The following ABHD12B variants were observed in gnomAD, a reference collection of about 807,000 sequenced individuals.
ABHD12B encodes abhydrolase domain containing 12B, also known as protein ABHD12B.
Under a neutral mutation model 50.4 loss-of-function variants are expected in ABHD12B, and 42 were observed. That is an observed-to-expected ratio of 0.83 (90% CI 0.65 to 1.08). The LOEUF is 1.08. Ranked by LOEUF, ABHD12B falls within the 50% of genes least tolerant of loss-of-function variation. The pLI is 0.00. For missense variants in ABHD12B, 479 were observed against 447.7 expected, an observed-to-expected ratio of 1.07 and a Z score of -0.63; for synonymous variants, 167 against 160.3, an observed-to-expected ratio of 1.04 and a Z score of -0.32.
rs143764492 is a variant in ABHD12B, at chr14:50,880,523, G to A, written c.407G>A (p.Arg136His). 10 of 1,608,346 alleles carry A rather than the reference G, an allele frequency of 6.2e-6. No homozygotes were observed. The highest frequency in any genetic ancestry group is 1.7e-5 in the Admixed American group (1 of 59,440). ...KDCCWYEAAL[R>H]DGNPIIVYLH... ...TGTTGCTGGTATGAAGCAGCCCTTCGTGATGGGAACCCAATTATTGTTTAT... is the reference window on the plus strand; with the variant it reads ...TGTTGCTGGTATGAAGCAGCCCTTCATGATGGGAACCCAATTATTGTTTAT... Residue 136 changes from arginine (R) to histidine (H), a missense_variant, in exon 4 of 13, where the codon CGT becomes CAT. Transcript: ENST00000337334.
intron 4 of ABHD12B, 134 bp downstream of exon 4, chr14:50,880,705 C>T: frequency 9.3e-7 from 1 of 1,073,450 alleles, no homozygotes; most frequent in Non-Finnish European, 1.2e-6. Flanking sequence ...TTGTTGAAAT[C>T]TGAGGGTGTT....
chr14:50,890,766 A>C (rs2050106130), intron 9 of ABHD12B, among the ~76,000 whole-genome samples: 1 of 152,190 alleles, frequency 6.6e-6, no homozygotes, highest in African/African-American at 2.4e-5. Flanking sequence ...TATTGTTGTT[A>C]TGAATGTTCT....
At chr14:50,903,580 T>C in intron 11 of ABHD12B, 113 bp downstream of exon 11, 2 of 777,526 alleles carry the variant, frequency 2.6e-6, no homozygotes, top group Non-Finnish European at 4.1e-6. Flanking sequence ...TTATAGGAGA[T>C]TCTCTACACC....
At chr14:50,890,899 T>C (rs1036354437) in intron 9 of ABHD12B, among the ~76,000 whole-genome samples, 1 of 152,210 alleles carries the variant, frequency 6.6e-6, no homozygotes, top group African/African-American at 2.4e-5. Flanking sequence ...TTTTCCTAAA[T>C]GACTTTACCA....
chr14:50,896,264 C>T (rs1022235333), intron 9 of ABHD12B, among the ~76,000 whole-genome samples: 7 of 152,272 alleles, frequency 4.6e-5, no homozygotes, highest in African/African-American at 1.2e-4. Context: ...ACAATTCCCC[C>T]GTTTTACCTG....
intron 9 of ABHD12B, among the ~76,000 whole-genome samples, chr14:50,899,039 A>G (rs571727124): frequency 3.3e-5 from 5 of 152,330 alleles, no homozygotes; most frequent in African/African-American, 1.2e-4. Context: ...CTAAAAATAC[A>G]AAAATTAGCT....
rs975375509 is a variant in ABHD12B, at chr14:50,903,387, A to G, written c.864-2A>G. 3.1e-6 allele frequency: 5 copies of G among 1,606,680 alleles called. No homozygotes were observed. The highest frequency in any genetic ancestry group is 4.3e-6 in the Non-Finnish European group (5 of 1,174,190). On this transcript the variant is annotated splice_acceptor_variant, in intron 10 of 12. Transcript: ENST00000337334. LOFTEE classifies it high-confidence loss of function. ...GAATGCTTTTCTTCTACTTGTCCCTAGTGTTAAATTCCTTTCTTCTCCTCT... is the reference window on the plus strand; with the variant it reads ...GAATGCTTTTCTTCTACTTGTCCCTGGTGTTAAATTCCTTTCTTCTCCTCT...
At chr14:50,903,327 G>C (rs2050285534) in intron 10 of ABHD12B, 62 bp from the exon 11 acceptor site, 1 of 1,322,926 alleles carries the variant, frequency 7.6e-7, no homozygotes, top group Middle Eastern at 2.1e-4. Flanking sequence ...CTTTAACTTA[G>C]AAGAGGAGAA....
intron 9 of ABHD12B, among the ~76,000 whole-genome samples, chr14:50,898,154 G>A (rs2050220332): frequency 6.6e-6 from 1 of 152,178 alleles, no homozygotes; most frequent in Non-Finnish European, 1.5e-5. Flanking sequence ...TTCCACACAA[G>A]TCTTTCGCAC....
In ABHD12B at chr14:50,903,346, G is replaced by C. The variant is rs768000070; in HGVS notation, c.864-43G>C. 6.9e-6 allele frequency: 10 copies of C among 1,456,070 alleles called. No homozygotes were observed. The Admixed American group carries it at 1.7e-4, about 25-fold the overall frequency. The allele number at this position is 1,456,070 out of a possible 1,614,324, so 90.2% of individuals were successfully genotyped here. ...AACTTAGAAGAGGAGAAATCTCAAT[G>C]TATCATTCTTTAACTGAATGCTTTT... On this transcript the variant is annotated intron_variant, in intron 10 of 12. Transcript: ENST00000337334.
intron 1 of ABHD12B, among the ~76,000 whole-genome samples, chr14:50,876,059 A>T (rs1259874979): frequency 6.6e-6 from 1 of 152,104 alleles, no homozygotes; most frequent in African/African-American, 2.4e-5. Context: ...TTTGGGCTTG[A>T]TCTGTGGCTC....
At chr14:50,886,773 T>G in intron 8 of ABHD12B, 89 bp downstream of exon 8, 1 of 1,274,826 alleles carries the variant, frequency 7.8e-7, no homozygotes, top group Non-Finnish European at 1.1e-6. Context: ...ACTTTGAACA[T>G]ATAGACACCA....
intron 9 of ABHD12B, chr14:50,895,725 A>G (rs1274235438): frequency 2.0e-5 from 3 of 152,172 alleles, no homozygotes; most frequent in African/African-American, 7.2e-5. Context: ...AGTGCAAGGT[A>G]GGCCCGTCCC....
At chr14:50,880,748 T>C (rs1465843991) in intron 4 of ABHD12B, among the ~76,000 whole-genome samples, 177 bp downstream of exon 4, 1 of 152,238 alleles carries the variant, frequency 6.6e-6, no homozygotes, top group Non-Finnish European at 1.5e-5. Context: ...AAGATTATTC[T>C]ATATGTAGAA....
At chr14:50,881,866 A>G (rs890596785) in intron 5 of ABHD12B, among the ~76,000 whole-genome samples, 5 of 152,118 alleles carry the variant, frequency 3.3e-5, no homozygotes, top group Non-Finnish European at 7.4e-5. Flanking sequence ...CCTCATTGCC[A>G]AATGGAGGTG....
rs754684311 is a variant in ABHD12B at position 50,904,531 on chromosome 14, A to G, written c.*165A>G. The stretch of plus-strand genomic sequence containing the variant: ...ACAACAGAAAGTACGAATGTTAGGC[A>G]GTATGGAATGTTCTTATTTAGCTTA... On this transcript the variant is annotated 3_prime_UTR_variant, in exon 13 of 13. Transcript: ENST00000337334. 4.4e-5 allele frequency: 36 copies of G among 822,752 alleles called. No homozygotes were observed. The highest frequency in any genetic ancestry group is 6.5e-5 in the Non-Finnish European group (33 of 507,296). 51.0% of individuals were successfully genotyped at this position (822,752 alleles called of 1,614,324 possible).
At position 50,894,985 on chromosome 14, in the gene ABHD12B, T is replaced by C. The variant is rs555729332; in HGVS notation, c.780+6082T>C. Among the ~76,000 whole-genome samples the C allele has an allele frequency of 1.9e-4, 29 of 149,578 alleles. 1 individual carries two copies. Among genetic ancestry groups the C allele is most frequent in the Admixed American group, 1.4e-3 (21 of 15,228 alleles). On this transcript the variant is annotated intron_variant, in intron 9 of 12. Coordinates refer to ENST00000337334, the MANE Select transcript of ABHD12B (RefSeq NM_001206673.2). Reference sequence around the variant, plus strand: ...GTTCCGTGACTAGCCCTCCCCCACCTGCCCAGCAATTTACTCTTAAAAAGG... The same window carrying C: ...GTTCCGTGACTAGCCCTCCCCCACCCGCCCAGCAATTTACTCTTAAAAAGG...
chr14:50,899,590 T>C (rs1488968680), intron 9 of ABHD12B, among the ~76,000 whole-genome samples: 1 of 152,118 alleles, frequency 6.6e-6, no homozygotes, highest in Admixed American at 6.6e-5. Flanking sequence ...CCTCTACCCC[T>C]CCTCTCTCAG....
chr14:50,889,096 T>C lies in ABHD12B; in HGVS notation c.780+193T>C, dbSNP rs150930900. ...GGGAACCCATGGCTGTCGGATTTGA[T>C]ATTTCCTTCACTTTCTTCTAAGGAT... On this transcript the variant is annotated intron_variant, in intron 9 of 12. Coordinates refer to ENST00000337334, the MANE Select transcript of ABHD12B (RefSeq NM_001206673.2). 7.9e-5 allele frequency among the ~76,000 whole-genome samples: 12 copies of C among 152,358 alleles called. No individual in the cohort carries two copies. In the East Asian group the frequency reaches 2.3e-3, roughly 29 times the overall value.
Sources: gnomAD v4.1 joint callset for allele counts (sites outside exome capture counted in the v4.1 genomes callset) on GRCh38, gnomAD v4.1.1 for gene constraint, MANE v1.5 for transcripts, NCBI Gene and HGNC (gene_info 2026-07-23, HGNC 2026-07-21) for gene names.